ERC1: variants seen among roughly 807,000 people sequenced by gnomAD.
ERC1 encodes RAB6 interacting protein 2.
A neutral mutation model predicts 132.0 loss-of-function variants in ERC1; 56 were observed. The ratio of observed to expected loss-of-function variants is 0.42; its 90% CI spans 0.34 to 0.53. The LOEUF (loss-of-function observed/expected upper bound fraction) is 0.53, where lower values mean the gene tolerates loss of function less well. Among genes scored for constraint, ERC1 ranks in the 20% least tolerant of loss-of-function variants. The probability of loss-of-function intolerance (pLI) is 0.03; values close to 1 mark genes in which losing one functional copy is unlikely to be tolerated. For synonymous variants in ERC1, 478 were observed against 476.1 expected (o/e 1.00, Z -0.05); for missense variants, 1,202 against 1,349.9 (o/e 0.89, Z 1.72).
chr12:1,331,381 ATATT>A (rs2082849667), intron 15 of ERC1, among the ~76,000 whole-genome samples: 2 of 152,178 alleles, frequency 1.3e-5, no homozygotes, highest in Admixed American at 6.5e-5. Context: ...TGACTATACA[ATATT>A]TATTTGTCTA....
At chr12:1,462,403 A>G (rs2093661340) in intron 18 of ERC1, among the ~76,000 whole-genome samples, 1 of 152,240 alleles carries the variant, frequency 6.6e-6, no homozygotes, top group Admixed American at 6.5e-5. Context: ...TTTACTGGAA[A>G]AAGTCCAAAA....
At chr12:1,465,357 A>C (rs2093723339) in intron 18 of ERC1, among the ~76,000 whole-genome samples, 1 of 152,124 alleles carries the variant, frequency 6.6e-6, no homozygotes, top group African/African-American at 2.4e-5. Context: ...TAAATTGTTT[A>C]CAAAAGGTTT....
intron 15 of ERC1, among the ~76,000 whole-genome samples, chr12:1,348,564 G>A (rs1316027066): frequency 6.6e-6 from 1 of 152,006 alleles, no homozygotes; most frequent in Non-Finnish European, 1.5e-5. Context: ...GTGGTGGCAG[G>A]CGCCCATAGT....
At chr12:1,489,670 G>C (rs1006338) in intron 18 of ERC1, among the ~76,000 whole-genome samples, 1 of 152,202 alleles carries the variant, frequency 6.6e-6, no homozygotes, top group Non-Finnish European at 1.5e-5. Context: ...TAATGTACCG[G>C]ATGAAAGCGA....
intron 14 of ERC1, among the ~76,000 whole-genome samples, chr12:1,282,286 G>A (rs2078732898): frequency 6.6e-6 from 1 of 152,062 alleles, no homozygotes; most frequent in Non-Finnish European, 1.5e-5. Flanking sequence ...CCTCGGACAA[G>A]GCACTTAAAC....
chr12:1,386,283 C>G (rs1340871468), intron 16 of ERC1, among the ~76,000 whole-genome samples: 3 of 151,450 alleles, frequency 2.0e-5, no homozygotes, highest in African/African-American at 7.3e-5. Context: ...GTGATCTGCC[C>G]ACCTCAGCCT....
chr12:1,121,677 A>ATC (rs56044523), intron 7 of ERC1, among the ~76,000 whole-genome samples: 1,004 of 8,118 alleles, frequency 0.12, 147 homozygotes, highest in African/African-American at 0.15. Context: ...CTCTATCTCT[A>ATC]TCTATCTCTA....
intron 15 of ERC1, among the ~76,000 whole-genome samples, chr12:1,357,202 C>T (rs779017057): frequency 9.9e-5 from 15 of 152,180 alleles, no homozygotes; most frequent in Non-Finnish European, 1.6e-4. Context: ...TTTATGAGAT[C>T]AAGACACAGT....
rs962232818 is a variant in ERC1, at chr12:1,495,288, T to G, written c.*5058T>G. On this transcript the variant is annotated 3_prime_UTR_variant, in exon 19 of 19. Coordinates refer to ENST00000360905, the MANE Select transcript of ERC1 (RefSeq NM_178040.4). ...GCAATCCAGGTGGAACAGACTGTCCTCCATGTCAGTTCCTTCTGGCTTCAG... is the reference window on the plus strand; with the variant it reads ...GCAATCCAGGTGGAACAGACTGTCCGCCATGTCAGTTCCTTCTGGCTTCAG... The G allele has an allele frequency of 5.2e-5, 12 of 229,740 alleles. No individual in the cohort carries two copies. The highest frequency in any genetic ancestry group is 1.0e-4 in the Non-Finnish European group (12 of 115,834). 14.2% of individuals were successfully genotyped at this position (229,740 alleles called of 1,614,324 possible).
chr12:1,458,310 T>C (rs892096202), intron 18 of ERC1, among the ~76,000 whole-genome samples: 4 of 152,184 alleles, frequency 2.6e-5, no homozygotes, highest in African/African-American at 9.7e-5. Flanking sequence ...TGAGTAAATA[T>C]ATTGGAGCTA....
At chr12:1,062,045 C>T (rs1454180259) in intron 2 of ERC1, among the ~76,000 whole-genome samples, 1 of 135,090 alleles carries the variant, frequency 7.4e-6, no homozygotes, top group African/African-American at 2.9e-5. Flanking sequence ...GGCTGGAGTG[C>T]AGTGGCATGA....
chr12:1,283,813 T>C (rs2154337599), intron 14 of ERC1, among the ~76,000 whole-genome samples: 1 of 152,346 alleles, frequency 6.6e-6, no homozygotes, highest in Middle Eastern at 3.4e-3. Context: ...ATTTATGGGG[T>C]ACATGTGATA....
intron 18 of ERC1, among the ~76,000 whole-genome samples, chr12:1,460,151 C>T (rs1443424323): frequency 6.6e-6 from 1 of 152,042 alleles, no homozygotes; most frequent in East Asian, 1.9e-4. Flanking sequence ...AGATGTTTCC[C>T]GCATCCTTCT....
intron 2 of ERC1, among the ~76,000 whole-genome samples, chr12:1,029,145 G>A (rs1967492666): frequency 6.6e-6 from 1 of 152,102 alleles, no homozygotes; most frequent in Non-Finnish European, 1.5e-5. Flanking sequence ...TTGAGGTCAG[G>A]AGTTCGAGAC....
At chr12:1,448,127 T>G (rs116181603) in intron 18 of ERC1, among the ~76,000 whole-genome samples, 2,019 of 152,314 alleles carry the variant, frequency 0.013, 43 homozygotes, top group African/African-American at 0.047. Context: ...ATTAATAGAC[T>G]TCCCATTGCA....
intron 2 of ERC1, among the ~76,000 whole-genome samples, chr12:1,076,770 A>G (rs1208515156): frequency 6.6e-6 from 1 of 152,230 alleles, no homozygotes; most frequent in African/African-American, 2.4e-5. Context: ...AATATACAGT[A>G]GCCATTTACT....
intron 15 of ERC1, among the ~76,000 whole-genome samples, chr12:1,347,624 C>G (rs1011344756): frequency 2.0e-5 from 3 of 152,124 alleles, no homozygotes; most frequent in African/African-American, 7.2e-5. Flanking sequence ...GTGATTGATA[C>G]CACTTTTCAT....
At chr12:1,242,023 T>G (rs1014412169) in intron 13 of ERC1, among the ~76,000 whole-genome samples, 3 of 151,894 alleles carry the variant, frequency 2.0e-5, no homozygotes, top group African/African-American at 2.4e-5. Flanking sequence ...TTTTTTGAAT[T>G]TTTAGTAGAG....
intron 16 of ERC1, among the ~76,000 whole-genome samples, chr12:1,391,989 T>C (rs939870188): frequency 5.3e-5 from 8 of 152,200 alleles, no homozygotes; most frequent in Non-Finnish European, 8.8e-5. Context: ...TAGTTCTTGT[T>C]GTACTTTTAT....
Sources: gnomAD v4.1 joint callset for allele counts (sites outside exome capture counted in the v4.1 genomes callset) on GRCh38, gnomAD v4.1.1 for gene constraint, MANE v1.5 for transcripts, NCBI Gene and HGNC (gene_info 2026-07-23, HGNC 2026-07-21) for gene names.